The following NAV3 variants were observed in gnomAD, a reference collection of about 807,000 sequenced individuals.
NAV3 encodes the protein pore membrane and/or filament interacting like protein 1.
Under a neutral mutation model 244.7 loss-of-function variants are expected in NAV3, and 87 were observed. The ratio of observed to expected loss-of-function variants is 0.36; its 90% CI spans 0.30 to 0.42. NAV3 has a LOEUF of 0.42. Ranked by LOEUF, NAV3 falls within the 20% of genes least tolerant of loss-of-function variation. NAV3 has a pLI of 1.00. For missense variants in NAV3, 2,663 were observed against 2,893.3 expected (o/e 0.92, Z 1.83); for synonymous variants, 1,126 against 1,042.2 (o/e 1.08, Z -1.55).
intron 2 of NAV3, among the ~76,000 whole-genome samples, chr12:77,819,835 G>C (rs971817796): frequency 1.3e-5 from 2 of 152,048 alleles, no homozygotes; most frequent in Non-Finnish European, 2.9e-5. Context: ...ACAGGAACGA[G>C]AAAGATATTT....
Position 78,177,256 on chromosome 12 carries a change from C to T in NAV3, c.5240C>T (p.Pro1747Leu). The T allele has an allele frequency of 6.2e-7, 1 of 1,613,566 alleles. No individual in the cohort carries two copies. The highest frequency in any genetic ancestry group is 8.5e-7 in the Non-Finnish European group (1 of 1,179,674). ...DSSLPASPKL[P>L]HNAGDCGSAS... ...TCCCTTCCGGCATCCCCCAAGTTAC[C>T]CCATAATGCTGGTGACTGTGGCTCA... The change falls in exon 27 of 40, where the codon CCC (proline) becomes CTC (leucine). Residue 1747 changes from proline (P) to leucine (L), a missense_variant. Pro to Leu is a moderately conservative substitution (Grantham distance 98, BLOSUM62 -3). Coordinates refer to ENST00000397909, the MANE Select transcript of NAV3 (RefSeq NM_001024383.2).
intron 2 of NAV3, chr12:77,783,256 T>G (rs1870753366): frequency 6.6e-6 from 1 of 152,128 alleles, no homozygotes; most frequent in Non-Finnish European, 1.5e-5. Context: ...GCATATGACC[T>G]TTCCAGATCC....
At chr12:77,873,683 A>G (rs10859542) in intron 1 of NAV3, among the ~76,000 whole-genome samples, 4,219 of 74,178 alleles carry the variant, frequency 0.057, 219 homozygotes, top group African/African-American at 0.17. Context: ...GTATGTGTAT[A>G]TATATATATA....
intron 2 of NAV3, among the ~76,000 whole-genome samples, chr12:77,588,858 G>C (rs890514314): frequency 1.3e-5 from 2 of 152,176 alleles, no homozygotes; most frequent in African/African-American, 4.8e-5. Context: ...GATTCTGTTT[G>C]TAAAATGTGA....
chr12:78,098,774 A>AAAAATAC (rs1261325381), intron 12 of NAV3, among the ~76,000 whole-genome samples: 2 of 151,842 alleles, frequency 1.3e-5, no homozygotes, highest in Non-Finnish European at 3.0e-5. Flanking sequence ...ACTCCATTGC[A>AAAAATAC]AAAATACACA....
intron 25 of NAV3, 83 bp from the exon 26 acceptor site, chr12:78,176,356 G>A (rs565190939): frequency 8.5e-5 from 113 of 1,324,530 alleles, no homozygotes; most frequent in Non-Finnish European, 1.1e-4. Flanking sequence ...CTTAAAAAAT[G>A]TTTATACAGG....
chr12:78,152,192 G>A (rs1032343790), intron 22 of NAV3, among the ~76,000 whole-genome samples: 1 of 151,486 alleles, frequency 6.6e-6, no homozygotes, highest in Non-Finnish European at 1.5e-5. Context: ...TTGTAAAAAT[G>A]TACAAATTGA....
At chr12:78,116,725 T>A in intron 12 of NAV3, 47 bp from the exon 13 acceptor site, 1 of 1,468,246 alleles carries the variant, frequency 6.8e-7, no homozygotes, top group East Asian at 2.5e-5. Flanking sequence ...TGACTTGCAT[T>A]GTGCATCCTG....
chr12:77,654,477 A>G (rs1042612677), intron 2 of NAV3, among the ~76,000 whole-genome samples: 6 of 152,180 alleles, frequency 3.9e-5, no homozygotes, highest in Non-Finnish European at 8.8e-5. Context: ...GGAGCCCACC[A>G]CAGCTCATGG....
chr12:77,765,483 A>G (rs976350359), intron 2 of NAV3, among the ~76,000 whole-genome samples: 5 of 152,230 alleles, frequency 3.3e-5, no homozygotes, highest in Non-Finnish European at 5.9e-5. Context: ...GAGACTCACA[A>G]GAGCACAAAA....
chr12:78,060,640 G>A (rs1017924644), intron 12 of NAV3, among the ~76,000 whole-genome samples: 2 of 152,084 alleles, frequency 1.3e-5, no homozygotes. Flanking sequence ...ACATAGGCTG[G>A]CAATCGCATC....
At position 77,895,972 on chromosome 12, in the gene NAV3, A is replaced by T. The variant is rs866510314; in HGVS notation, c.244-44347A>T. Among the ~76,000 whole-genome samples, 1,274 of 150,998 alleles carry T rather than the reference A, an allele frequency of 8.4e-3. 12 individuals carry two copies. The highest frequency in any genetic ancestry group is 0.029 in the African/African-American group (1,212 of 41,328). ...ATTTCCAGTAAAAAAAAAAAAAAAA[A>T]AAAAAAAGAGGAACTCTTTTATGCT... On this transcript the variant is annotated intron_variant, in intron 1 of 39. Transcript: ENST00000397909.
At chr12:78,149,832 G>C (rs1957005302) in intron 22 of NAV3, among the ~76,000 whole-genome samples, 2 of 151,898 alleles carry the variant, frequency 1.3e-5, no homozygotes, top group African/African-American at 4.8e-5. Flanking sequence ...TGTAAGACTT[G>C]AATAAGAGCC....
chr12:77,800,796 A>G (rs982415903), intron 2 of NAV3, among the ~76,000 whole-genome samples: 4 of 152,240 alleles, frequency 2.6e-5, no homozygotes, highest in Admixed American at 1.3e-4. Flanking sequence ...AAAACACACA[A>G]ACAGAAAACT....
At chr12:77,949,711 A>T (rs1890694184) in intron 3 of NAV3, among the ~76,000 whole-genome samples, 2 of 152,010 alleles carry the variant, frequency 1.3e-5, no homozygotes, top group African/African-American at 4.8e-5. Flanking sequence ...AGTATCACCC[A>T]GAATCCATGA....
At chr12:78,132,214 CAATT>C (rs67169366) in intron 18 of NAV3, among the ~76,000 whole-genome samples, 22,756 of 151,982 alleles carry the variant, frequency 0.15, 1,973 homozygotes, top group Admixed American at 0.28. Flanking sequence ...AGTTAAAACA[CAATT>C]AATAAATGAA....
intron 2 of NAV3, among the ~76,000 whole-genome samples, chr12:77,737,823 G>T (rs1265472778): frequency 6.6e-6 from 1 of 152,154 alleles, no homozygotes; most frequent in East Asian, 1.9e-4. Flanking sequence ...TGTGTTTTCG[G>T]TATTTCGCAT....
chr12:77,597,553 A>G (rs1314424575), intron 2 of NAV3, among the ~76,000 whole-genome samples: 1 of 152,064 alleles, frequency 6.6e-6, no homozygotes, highest in African/African-American at 2.4e-5. Context: ...AACGATCTTG[A>G]GTTATTGTAT....
Position 77,899,347 on chromosome 12 carries a change from G to A in NAV3, c.244-40972G>A, listed in dbSNP as rs935277739. Among the ~76,000 whole-genome samples the A allele has an allele frequency of 4.6e-5, 7 of 152,268 alleles. No individual in the cohort carries two copies. The East Asian group carries it at 1.2e-3, about 25-fold the overall frequency. On this transcript the variant is annotated intron_variant, in intron 1 of 39. Coordinates refer to ENST00000397909, the MANE Select transcript of NAV3 (RefSeq NM_001024383.2). ...TCTTTCATGAAAGTCAGTTGATGCA[G>A]CAAATTTCACTGTCATCTTACTTAA...
Sources: allele counts gnomAD v4.1 joint callset (sites outside exome capture counted in the v4.1 genomes callset), GRCh38; gene constraint gnomAD v4.1.1; transcripts MANE v1.5; gene names NCBI Gene and HGNC (gene_info 2026-07-23, HGNC 2026-07-21).